NIPA1: variants seen among roughly 807,000 people sequenced by gnomAD.
NIPA1 encodes the protein magnesium transporter NIPA1.
Under a neutral mutation model 23.9 loss-of-function variants are expected in NIPA1, and 13 were observed. That is an observed-to-expected ratio of 0.54 (90% CI 0.35 to 0.87). The LOEUF (loss-of-function observed/expected upper bound fraction) is 0.87. Ranked by LOEUF, NIPA1 falls within the 40% of genes least tolerant of loss-of-function variation. The pLI, the probability that NIPA1 is intolerant of heterozygous loss-of-function variation, is 0.01. For missense variants in NIPA1, 362 were observed against 429.7 expected, an observed-to-expected ratio of 0.84 and a Z score of 1.39; for synonymous variants, 234 against 202.9, an observed-to-expected ratio of 1.15 and a Z score of -1.30.
At chr15:22,798,165 GA>G (rs1354244465) in intron 1 of NIPA1, among the ~76,000 whole-genome samples, 1 of 150,610 alleles carries the variant, frequency 6.6e-6, no homozygotes, top group Non-Finnish European at 1.5e-5. Flanking sequence ...GATTCTTAAT[GA>G]AAAAATCCTA....
chr15:22,791,975 A>G (rs1015772057), intron 1 of NIPA1, among the ~76,000 whole-genome samples: 1 of 152,000 alleles, frequency 6.6e-6, no homozygotes, highest in Non-Finnish European at 1.5e-5. Context: ...TTTGGAAGAC[A>G]TAGTCCAGGG....
intron 1 of NIPA1, among the ~76,000 whole-genome samples, chr15:22,805,259 AC>A (rs1349456718): frequency 6.6e-6 from 1 of 152,224 alleles, no homozygotes; most frequent in Non-Finnish European, 1.5e-5. Context: ...AGGCAAAAGA[AC>A]TTCAAATATT....
intron 1 of NIPA1, among the ~76,000 whole-genome samples, chr15:22,789,293 A>AT (rs1894780895): frequency 6.6e-6 from 1 of 152,044 alleles, no homozygotes; most frequent in Non-Finnish European, 1.5e-5. Flanking sequence ...CTCGGCCTAT[A>AT]TTATGGTTTT....
intron 1 of NIPA1, among the ~76,000 whole-genome samples, chr15:22,806,494 C>A (rs757279163): frequency 6.6e-6 from 1 of 152,148 alleles, no homozygotes; most frequent in Non-Finnish European, 1.5e-5. Flanking sequence ...GGGGAGGAGA[C>A]GTGAGTGTGG....
intron 3 of NIPA1, 126 bp downstream of exon 3, chr15:22,812,379 T>C (rs1895335399): frequency 1.4e-6 from 1 of 733,750 alleles, no homozygotes; most frequent in South Asian, 1.5e-5. Flanking sequence ...AGGCCGGGCA[T>C]GGTGGCTTAC....
At chr15:22,815,043 G>A (rs1895389064) in intron 3 of NIPA1, among the ~76,000 whole-genome samples, 1 of 152,082 alleles carries the variant, frequency 6.6e-6, no homozygotes. Context: ...CCCCTGCGGG[G>A]CAAACCACCC....
At chr15:22,803,826 C>T (rs1173802687) in intron 1 of NIPA1, among the ~76,000 whole-genome samples, 1 of 150,178 alleles carries the variant, frequency 6.7e-6, no homozygotes, top group Non-Finnish European at 1.5e-5. Context: ...ACTACAGGCA[C>T]CCGCCACCAC....
Position 22,825,123 on chromosome 15 carries a change from T to C in NIPA1, c.*884T>C, listed in dbSNP as rs567232515. ...GTGTGAACATCATGGAGTGCACTTA[T>C]ACAAACCTAGATGGGACACCTATGA... On this transcript the variant is annotated 3_prime_UTR_variant, in exon 5 of 5. Transcript: ENST00000337435. 1 of 152,336 alleles carries C rather than the reference T, an allele frequency of 6.6e-6. No individual in the cohort carries two copies. The highest frequency in any genetic ancestry group is 3.4e-3 in the Middle Eastern group (1 of 294). The allele number at this position is 152,336 out of a possible 1,614,324, so 9.4% of individuals were successfully genotyped here.
chr15:22,788,527 A>C (rs1177909235), intron 1 of NIPA1, among the ~76,000 whole-genome samples: 6 of 150,614 alleles, frequency 4.0e-5, no homozygotes, highest in African/African-American at 1.5e-4. Flanking sequence ...CTTGCAGTAC[A>C]CCTGACCAGT....
chr15:22,813,129 A>C (rs945776469), intron 3 of NIPA1, among the ~76,000 whole-genome samples: 7 of 150,220 alleles, frequency 4.7e-5, no homozygotes, highest in Admixed American at 4.6e-4. Context: ...TTGGATTTTT[A>C]TTGTAGTTAG....
intron 3 of NIPA1, among the ~76,000 whole-genome samples, chr15:22,818,286 A>G (rs1017963688): frequency 1.3e-5 from 2 of 151,740 alleles, no homozygotes; most frequent in African/African-American, 4.8e-5. Context: ...AATACAAAAA[A>G]TTAGCCTGGT....
intron 1 of NIPA1, among the ~76,000 whole-genome samples, chr15:22,787,155 C>T (rs1169491585): frequency 1.3e-5 from 2 of 151,962 alleles, no homozygotes; most frequent in South Asian, 4.1e-4. Flanking sequence ...CTGACTTTTT[C>T]CCTCGGTCCA....
At chr15:22,790,546 A>T (rs570530403) in intron 1 of NIPA1, among the ~76,000 whole-genome samples, 11 of 151,154 alleles carry the variant, frequency 7.3e-5, no homozygotes, top group Non-Finnish European at 1.6e-4. Flanking sequence ...CCTCCCGAGT[A>T]GTTGGGTTAT....
intron 1 of NIPA1, among the ~76,000 whole-genome samples, chr15:22,803,057 A>C (rs987711517): frequency 5.9e-5 from 9 of 151,934 alleles, no homozygotes; most frequent in Non-Finnish European, 1.2e-4. Flanking sequence ...ACCGGGTTCA[A>C]GCGATTCTCC....
In NIPA1 at chr15:22,786,677, AGCGGCGGCGGCG is replaced by A. The variant is rs531550505; in HGVS notation, c.36_47del (p.Ala13_Ala16del). 146 of 1,071,552 alleles carry A rather than the reference AGCGGCGGCGGCG, an allele frequency of 1.4e-4. 4 individuals are homozygous for A. Among genetic ancestry groups the A allele is most frequent in the South Asian group, 3.8e-4 (10 of 26,504 alleles). 66.4% of individuals were successfully genotyped at this position (1,071,552 alleles called of 1,614,324 possible). ...GCGGAATGGGGACTGCAGCTGCGGC[AGCGGCGGCGGCG>A]GCGGCGGCGGCGGCCGGGGAGGGGG... On this transcript the variant is annotated inframe_deletion, in exon 1 of 5. Coordinates refer to ENST00000337435, the MANE Select transcript of NIPA1 (RefSeq NM_144599.5).
intron 1 of NIPA1, among the ~76,000 whole-genome samples, chr15:22,793,755 A>C (rs528237911): frequency 5.3e-5 from 8 of 152,310 alleles, no homozygotes; most frequent in African/African-American, 1.7e-4. Flanking sequence ...GTATGGTGAC[A>C]CATAGAGGTC....
chr15:22,818,164 C>T (rs868272367), intron 3 of NIPA1, among the ~76,000 whole-genome samples: 3 of 152,158 alleles, frequency 2.0e-5, no homozygotes, highest in South Asian at 2.1e-4. Context: ...TCTTGCCGGT[C>T]GTGGTGGCTC....
At chr15:22,803,964 C>G (rs1481252757) in intron 1 of NIPA1, among the ~76,000 whole-genome samples, 1 of 150,516 alleles carries the variant, frequency 6.6e-6, no homozygotes, top group Non-Finnish European at 1.5e-5. Flanking sequence ...CAGGCGTGAG[C>G]CACCGTGCCC....
chr15:22,803,356 ATTAC>A (rs1895127285), intron 1 of NIPA1, among the ~76,000 whole-genome samples: 1 of 151,928 alleles, frequency 6.6e-6, no homozygotes, highest in Non-Finnish European at 1.5e-5. Flanking sequence ...ATATGTATAT[ATTAC>A]GTATGTATAT....
Sources: allele counts gnomAD v4.1 joint callset (sites outside exome capture counted in the v4.1 genomes callset), GRCh38; gene constraint gnomAD v4.1.1; transcripts MANE v1.5; gene names NCBI Gene and HGNC (gene_info 2026-07-23, HGNC 2026-07-21).